The following GNAI1 variants were observed in gnomAD, a reference collection of about 807,000 sequenced individuals.
GNAI1 encodes G protein subunit alpha i1.
A neutral mutation model predicts 38.9 loss-of-function variants in GNAI1; 11 were observed. That is an observed-to-expected ratio of 0.28 (90% CI 0.18 to 0.47). The LOEUF (loss-of-function observed/expected upper bound fraction) is 0.47, where lower values mean the gene tolerates loss of function less well. Among genes scored for constraint, GNAI1 ranks in the 20% least tolerant of loss-of-function variants. GNAI1 has a pLI of 0.99. For synonymous variants in GNAI1, 166 were observed against 145.1 expected, an observed-to-expected ratio of 1.14 and a Z score of -1.04; for missense variants, 317 against 436.9, an observed-to-expected ratio of 0.73 and a Z score of 2.45.
At chr7:80,148,200 A>C (rs1383956769) in intron 1 of GNAI1, among the ~76,000 whole-genome samples, 2 of 152,180 alleles carry the variant, frequency 1.3e-5, no homozygotes, top group Non-Finnish European at 2.9e-5. Flanking sequence ...TTCAGAGCTA[A>C]GCACTAAGTA....
chr7:80,135,775 G>A (rs1203009361), intron 1 of GNAI1: 6 of 983,546 alleles, frequency 6.1e-6, no homozygotes, highest in Non-Finnish European at 7.2e-6. Flanking sequence ...CACCTTTTGT[G>A]GGGCCTCTGA....
Position 80,220,481 on chromosome 7 carries a change from C to T in GNAI1, c.*2988C>T, listed in dbSNP as rs766747732. ...CTGCCAATCGCATTTCTTACTTCTC[C>T]GTCTCTAGGCTTAGACCTGACCAAT... On this transcript the variant is annotated 3_prime_UTR_variant, in exon 8 of 8. Coordinates refer to ENST00000649796, the MANE Select transcript of GNAI1 (RefSeq NM_002069.6). 1.3e-5 allele frequency among the ~76,000 whole-genome samples: 2 copies of T among 152,268 alleles called. No homozygotes were observed. Among genetic ancestry groups the T allele is most frequent in the Non-Finnish European group, 2.9e-5 (2 of 68,016 alleles).
intron 4 of GNAI1, among the ~76,000 whole-genome samples, chr7:80,201,584 C>T (rs1471309129): frequency 6.6e-6 from 1 of 152,042 alleles, no homozygotes; most frequent in Non-Finnish European, 1.5e-5. Flanking sequence ...ATTTAGCCAG[C>T]ATGGTGGCCC....
intron 1 of GNAI1, among the ~76,000 whole-genome samples, chr7:80,166,304 A>G (rs1206939208): frequency 6.6e-6 from 1 of 152,194 alleles, no homozygotes; most frequent in African/African-American, 2.4e-5. Context: ...TTGTGATATG[A>G]GTGCTCATAG....
intron 1 of GNAI1, among the ~76,000 whole-genome samples, chr7:80,163,468 G>C (rs1305047961): frequency 6.6e-6 from 1 of 152,082 alleles, no homozygotes; most frequent in Non-Finnish European, 1.5e-5. Flanking sequence ...TTCACTGTTG[G>C]CACATTAATT....
At chr7:80,177,397 T>G (rs1011660037) in intron 1 of GNAI1, among the ~76,000 whole-genome samples, 1 of 152,158 alleles carries the variant, frequency 6.6e-6, no homozygotes, top group Admixed American at 6.5e-5. Flanking sequence ...ACTGCACATA[T>G]ATAAAGATTC....
At chr7:80,156,878 A>C (rs962985836) in intron 1 of GNAI1, among the ~76,000 whole-genome samples, 4 of 152,140 alleles carry the variant, frequency 2.6e-5, no homozygotes, top group Non-Finnish European at 4.4e-5. Flanking sequence ...CCCAGCCCCC[A>C]CACATGCATA....
intron 1 of GNAI1, among the ~76,000 whole-genome samples, chr7:80,185,134 A>AC (rs1287803113): frequency 6.6e-6 from 1 of 151,852 alleles, no homozygotes; most frequent in African/African-American, 2.4e-5. Context: ...GAAAAAATTT[A>AC]CCCCCCAACC....
chr7:80,172,352 T>C (rs1235554247), intron 1 of GNAI1, among the ~76,000 whole-genome samples: 1 of 152,148 alleles, frequency 6.6e-6, no homozygotes. Context: ...GAGCTGAAGG[T>C]AGTTAAGTTT....
chr7:80,198,660 C>A (rs936125516), intron 3 of GNAI1, among the ~76,000 whole-genome samples: 1 of 152,064 alleles, frequency 6.6e-6, no homozygotes, highest in Non-Finnish European at 1.5e-5. Context: ...TTTAATGTGT[C>A]CATACTTAAA....
At chr7:80,207,620 A>G (rs1788797962) in intron 5 of GNAI1, among the ~76,000 whole-genome samples, 1 of 152,150 alleles carries the variant, frequency 6.6e-6, no homozygotes, top group Non-Finnish European at 1.5e-5. Flanking sequence ...TTTATAGGTT[A>G]CATGAGCCTC....
chr7:80,181,670 T>G (rs549153206), intron 1 of GNAI1, among the ~76,000 whole-genome samples: 1 of 152,182 alleles, frequency 6.6e-6, no homozygotes, highest in Non-Finnish European at 1.5e-5. Flanking sequence ...TGTGTGTGCA[T>G]TCATTCATTT....
chr7:80,203,714 G>T lies in GNAI1; in HGVS notation c.472G>T (p.Asp158Tyr). The part of the protein sequence containing the change: ...LNDSAAYYLN[D>Y]LDRIAQPNYI... ...TTTAATTTTTTTCAGCTATTTGAAT[G>T]ACTTGGACAGAATAGCTCAACCAAA... The change falls in exon 5 of 8, where the codon GAC becomes TAC. Residue 158 changes from aspartate (D) to tyrosine (Y), a missense_variant. By Grantham distance (160) the Asp-to-Tyr change is radical. Around this residue, in one of 5 missense-constraint regions of GNAI1, gnomAD observed 158 missense variants for 234.7 expected, o/e 0.67. Coordinates refer to ENST00000649796, the MANE Select transcript of GNAI1 (RefSeq NM_002069.6). 6.3e-7 allele frequency: 1 copy of T among 1,583,662 alleles called. No homozygotes were observed. Among genetic ancestry groups the T allele is most frequent in the South Asian group, 1.1e-5 (1 of 87,872 alleles).
chr7:80,135,430 CG>C lies in GNAI1; in HGVS notation c.118+155del, dbSNP rs1298824335. ...TGGGTCCGGCGGTGCGGAGGCAAGG[CG>C]GGTCCCCCTCTCCCGGTGTCTGGTC... On this transcript the variant is annotated intron_variant, in intron 1 of 7. Transcript: ENST00000649796. 9.1e-6 allele frequency: 4 copies of C among 437,230 alleles called. No individual in the cohort carries two copies. In the East Asian group the frequency reaches 1.4e-4, roughly 16 times the overall value. The allele number at this position is 437,230 out of a possible 1,614,324, so 27.1% of individuals were successfully genotyped here. A position where few individuals can be genotyped will look rare whatever the true frequency, so the allele number is the denominator to read the frequency against.
At chr7:80,207,803 C>T (rs759762220) in intron 5 of GNAI1, among the ~76,000 whole-genome samples, 8 of 151,910 alleles carry the variant, frequency 5.3e-5, no homozygotes, top group Non-Finnish European at 1.0e-4. Context: ...CAAAATGAGG[C>T]AATAGGGCAT....
At chr7:80,143,768 G>A (rs1297148892) in intron 1 of GNAI1, among the ~76,000 whole-genome samples, 1 of 151,936 alleles carries the variant, frequency 6.6e-6, no homozygotes, top group Non-Finnish European at 1.5e-5. Context: ...AATACTACAT[G>A]GTACATACAT....
intron 1 of GNAI1, among the ~76,000 whole-genome samples, chr7:80,178,885 C>G (rs1180909118): frequency 6.6e-6 from 1 of 152,136 alleles, no homozygotes; most frequent in Non-Finnish European, 1.5e-5. Context: ...TACCACTTCT[C>G]AAATTACGAT....
chr7:80,216,923 A>G (rs1445378768), intron 7 of GNAI1, among the ~76,000 whole-genome samples: 2 of 152,120 alleles, frequency 1.3e-5, no homozygotes, highest in African/African-American at 4.8e-5. Context: ...ACATTTTTTG[A>G]TCCACCATTG....
intron 1 of GNAI1, among the ~76,000 whole-genome samples, chr7:80,177,073 C>T (rs1400757621): frequency 7.7e-6 from 1 of 130,180 alleles, no homozygotes; most frequent in Non-Finnish European, 1.6e-5. Flanking sequence ...CTCTGTCGCC[C>T]AGGCTGGAGT....
Sources: gnomAD v4.1 joint callset for allele counts (sites outside exome capture counted in the v4.1 genomes callset) on GRCh38, gnomAD v4.1.1 for gene constraint, gnomAD v4.1.1 regional missense constraint, MANE v1.5 for transcripts, NCBI Gene and HGNC (gene_info 2026-07-23, HGNC 2026-07-21) for gene names.